Variants in SLC8A1 observed in about 807,000 individuals in gnomAD.
The protein encoded by SLC8A1 is solute carrier family 8 member A1, also known as sodium/calcium exchanger 1.
A neutral mutation model predicts 68.3 loss-of-function variants in SLC8A1; 18 were observed. The ratio of observed to expected loss-of-function variants is 0.26; its 90% CI spans 0.18 to 0.39. The LOEUF (loss-of-function observed/expected upper bound fraction) is 0.39. SLC8A1 is among the 10% of genes least tolerant of loss of function. SLC8A1 has a pLI of 1.00. For synonymous variants in SLC8A1, 475 were observed against 415.5 expected, an observed-to-expected ratio of 1.14 and a Z score of -1.74; for missense variants, 985 against 1,156.7, an observed-to-expected ratio of 0.85 and a Z score of 2.15.
intron 7 of SLC8A1, among the ~76,000 whole-genome samples, chr2:40,125,967 G>A (rs557966105): frequency 6.6e-6 from 1 of 152,120 alleles, no homozygotes. Flanking sequence ...ACTATCTGCT[G>A]TGCCTGACAA....
intron 2 of SLC8A1, among the ~76,000 whole-genome samples, chr2:40,404,068 A>AT (rs1001085721): frequency 9.4e-4 from 142 of 151,418 alleles, no homozygotes; most frequent in Middle Eastern, 3.4e-3. Flanking sequence ...GAATTTCAGC[A>AT]TTTTTTTTTA....
intron 2 of SLC8A1, among the ~76,000 whole-genome samples, chr2:40,283,083 C>T (rs1244591189): frequency 6.6e-6 from 1 of 152,166 alleles, no homozygotes; most frequent in Non-Finnish European, 1.5e-5. Context: ...CTACTAGATT[C>T]CAAGACGATT....
intron 1 of SLC8A1, among the ~76,000 whole-genome samples, chr2:40,506,723 A>T (rs1008339148): frequency 4.0e-5 from 6 of 151,840 alleles, no homozygotes; most frequent in African/African-American, 1.4e-4. Context: ...CCCTGCCTGT[A>T]GTAGGGCAGT....
chr2:40,419,801 A>G (rs1426907108), intron 2 of SLC8A1, among the ~76,000 whole-genome samples: 1 of 152,250 alleles, frequency 6.6e-6, no homozygotes, highest in East Asian at 1.9e-4. Flanking sequence ...AATTGTGTGT[A>G]TATGTGTGTG....
chr2:40,223,890 G>A (rs1378002899), intron 2 of SLC8A1: 2 of 152,016 alleles, frequency 1.3e-5, no homozygotes, highest in East Asian at 3.9e-4. Context: ...ATTTATAATA[G>A]GAGAAGTTGG....
intron 2 of SLC8A1, among the ~76,000 whole-genome samples, chr2:40,353,958 G>A (rs542064953): frequency 3.3e-5 from 5 of 152,268 alleles, no homozygotes; most frequent in Admixed American, 6.5e-5. Flanking sequence ...TACCTACAAG[G>A]CACACAGTAA....
At chr2:40,416,337 C>G (rs1000659984) in intron 2 of SLC8A1, among the ~76,000 whole-genome samples, 1 of 152,058 alleles carries the variant, frequency 6.6e-6, no homozygotes, top group Non-Finnish European at 1.5e-5. Context: ...TCTACAAGTT[C>G]ATAACTTATC....
chr2:40,299,340 T>C (rs184065612), intron 2 of SLC8A1, among the ~76,000 whole-genome samples: 18 of 152,274 alleles, frequency 1.2e-4, no homozygotes, highest in African/African-American at 4.1e-4. Flanking sequence ...GAGAAAAACT[T>C]ATTAAAGATA....
chr2:40,442,702 C>A (rs1171130170), intron 1 of SLC8A1, among the ~76,000 whole-genome samples: 1 of 152,170 alleles, frequency 6.6e-6, no homozygotes, highest in Non-Finnish European at 1.5e-5. Context: ...GTGGCAATTC[C>A]TCAAGGATCC....
chr2:40,422,733 G>A (rs373305180), intron 2 of SLC8A1, among the ~76,000 whole-genome samples: 10 of 152,062 alleles, frequency 6.6e-5, no homozygotes, highest in Non-Finnish European at 1.2e-4. Context: ...AGTTAACAAA[G>A]AGAAAAATAA....
intron 2 of SLC8A1, among the ~76,000 whole-genome samples, chr2:40,225,078 G>C (rs1558834658): frequency 6.6e-6 from 1 of 152,122 alleles, no homozygotes. Context: ...TGAAGTCTTA[G>C]GTTTTGAGTA....
intron 1 of SLC8A1, among the ~76,000 whole-genome samples, chr2:40,466,737 G>GT (rs1703696675): frequency 6.6e-6 from 1 of 152,096 alleles, no homozygotes; most frequent in African/African-American, 2.4e-5. Flanking sequence ...ATTCATGTTG[G>GT]TTTGTTGAAT....
intron 7 of SLC8A1, among the ~76,000 whole-genome samples, chr2:40,130,205 T>C (rs766900951): frequency 2.0e-5 from 3 of 152,220 alleles, no homozygotes; most frequent in Admixed American, 1.3e-4. Flanking sequence ...TTTTACAGAA[T>C]CTTTGGGTCG....
chr2:40,118,812 G>C (rs1034827228), intron 7 of SLC8A1, among the ~76,000 whole-genome samples: 12 of 151,650 alleles, frequency 7.9e-5, no homozygotes, highest in Non-Finnish European at 1.2e-4. Context: ...TTGCGGGGGT[G>C]GTAATTCCCT....
chr2:40,379,654 T>A (rs1327427935), intron 2 of SLC8A1, among the ~76,000 whole-genome samples: 2 of 151,976 alleles, frequency 1.3e-5, no homozygotes, highest in Non-Finnish European at 2.9e-5. Context: ...CTTTTTTTTT[T>A]TCCCTGCAGA....
At chr2:40,227,148 G>T (rs2059085100) in intron 2 of SLC8A1, among the ~76,000 whole-genome samples, 1 of 152,014 alleles carries the variant, frequency 6.6e-6, no homozygotes, top group Admixed American at 6.6e-5. Flanking sequence ...ATATAACAAG[G>T]AACTAATATT....
intron 2 of SLC8A1, among the ~76,000 whole-genome samples, chr2:40,279,672 A>T (rs1384105616): frequency 6.6e-6 from 1 of 152,150 alleles, no homozygotes; most frequent in Non-Finnish European, 1.5e-5. Flanking sequence ...TGGAAATCCT[A>T]TTTCAGTCCT....
At chr2:40,210,693 G>A (rs772920738) in intron 2 of SLC8A1, among the ~76,000 whole-genome samples, 13 of 152,118 alleles carry the variant, frequency 8.5e-5, no homozygotes, top group South Asian at 2.1e-4. Context: ...ATTATCTAAT[G>A]AATGCTGAGT....
chr2:40,165,002 C>A lies in SLC8A1; in HGVS notation c.1931-18G>T. 1 of 1,613,322 alleles carries A rather than the reference C, an allele frequency of 6.2e-7. No homozygotes were observed. ...ATATTCGTCTGTGAAACGGAAGTAT[C>A]AGAGAGTGAGCACTGTGTTCTGTTT... On this transcript the variant is annotated intron_variant, in intron 4 of 7. Coordinates refer to ENST00000406785, the Ensembl canonical transcript of SLC8A1.
Sources: gnomAD v4.1 joint callset for allele counts (sites outside exome capture counted in the v4.1 genomes callset) on GRCh38, gnomAD v4.1.1 for gene constraint, MANE v1.5 for transcripts, NCBI Gene and HGNC (gene_info 2026-07-23, HGNC 2026-07-21) for gene names.